Variants in RIGI observed in about 807,000 individuals in gnomAD.
RIGI encodes the protein RNA sensor RIG-I.
At chr9:32,500,179 T>C in the RIGI span, among the ~76,000 whole-genome samples, 5 of 152,212 alleles carry the variant, frequency 3.3e-5, no homozygotes, top group African/African-American at 1.2e-4. Flanking sequence ...ACTAAATTTG[T>C]CTTCTTTAGG....
chr9:32,505,057 A>G, the RIGI span, among the ~76,000 whole-genome samples: 3 of 143,464 alleles, frequency 2.1e-5, no homozygotes, highest in African/African-American at 7.6e-5. Context: ...ATATAATTTT[A>G]TACATTATAT....
At chr9:32,517,138 T>C in the RIGI span, among the ~76,000 whole-genome samples, 2 of 152,236 alleles carry the variant, frequency 1.3e-5, no homozygotes, top group Non-Finnish European at 2.9e-5. Flanking sequence ...GTGAGTAGTT[T>C]CCACATGACG....
At chr9:32,488,698 T>C in the RIGI span, 2 of 1,492,620 alleles carry the variant, frequency 1.3e-6, no homozygotes, top group South Asian at 1.5e-5. Flanking sequence ...TACATGAAGC[T>C]GGAGAAAAAG....
chr9:32,473,318 T>G, the RIGI span, among the ~76,000 whole-genome samples: 1 of 148,314 alleles, frequency 6.7e-6, no homozygotes, highest in Admixed American at 6.9e-5. Context: ...GATGGAGTCT[T>G]GGTCTACCGC....
the RIGI span, chr9:32,488,101 C>A: frequency 1.2e-6 from 2 of 1,614,080 alleles, no homozygotes; most frequent in South Asian, 1.1e-5. Context: ...TAAGGTTGTT[C>A]ACAAGAATCT....
At chr9:32,525,132 C>G in the RIGI span, among the ~76,000 whole-genome samples, 5 of 152,214 alleles carry the variant, frequency 3.3e-5, no homozygotes, top group East Asian at 9.6e-4. Flanking sequence ...AAGCACCTCC[C>G]CTTCTCGCTA....
chr9:32,500,653 A>C, the RIGI span: 2 of 851,482 alleles, frequency 2.3e-6, no homozygotes, highest in Admixed American at 2.9e-5. Context: ...AGACAATTAT[A>C]TCATCTGCCT....
chr9:32,456,658 G>A, the RIGI span: 25,180 of 157,714 alleles, frequency 0.16, 2,473 homozygotes, highest in South Asian at 0.31. Context: ...AATGCGCAGA[G>A]GTCAAATAGA....
At chr9:32,466,950 C>A in the RIGI span, among the ~76,000 whole-genome samples, 1 of 152,140 alleles carries the variant, frequency 6.6e-6, no homozygotes, top group African/African-American at 2.4e-5. Context: ...GAAATAAGAT[C>A]TCTTCATAAC....
chr9:32,475,568 G>A, the RIGI span, among the ~76,000 whole-genome samples: 5 of 151,870 alleles, frequency 3.3e-5, no homozygotes, highest in African/African-American at 4.8e-5. Flanking sequence ...GGATAGTCTT[G>A]TCAACATAGA....
the RIGI span, chr9:32,455,874 A>G: frequency 6.6e-6 from 1 of 152,198 alleles, no homozygotes; most frequent in Non-Finnish European, 1.5e-5. Flanking sequence ...AGAAAAGCCA[A>G]AGAGAAGTTA....
chr9:32,455,407 T>C, the RIGI span, among the ~76,000 whole-genome samples: 1 of 152,068 alleles, frequency 6.6e-6, no homozygotes, highest in Non-Finnish European at 1.5e-5. Context: ...AAGTCTTACA[T>C]GGCAGCAGAT....
chr9:32,509,405 C>G, the RIGI span, among the ~76,000 whole-genome samples: 3 of 152,218 alleles, frequency 2.0e-5, no homozygotes, highest in Non-Finnish European at 4.4e-5. Flanking sequence ...AAGGAAGGAA[C>G]AGGCAGCAAT....
chr9:32,520,233 C>T, the RIGI span, among the ~76,000 whole-genome samples: 3 of 151,876 alleles, frequency 2.0e-5, no homozygotes, highest in Admixed American at 2.0e-4. Context: ...CACTAGAATG[C>T]TAGCAGATAA....
the RIGI span, among the ~76,000 whole-genome samples, chr9:32,460,021 C>T: frequency 2.6e-5 from 4 of 152,114 alleles, no homozygotes; most frequent in African/African-American, 9.7e-5. Flanking sequence ...ATGGGAGGGA[C>T]CCAGGGGGAG....
the RIGI span, among the ~76,000 whole-genome samples, chr9:32,518,129 G>T: frequency 6.6e-6 from 1 of 152,052 alleles, no homozygotes; most frequent in African/African-American, 2.4e-5. Context: ...TATATAAAAT[G>T]TGCAAAAGAC....
the RIGI span, among the ~76,000 whole-genome samples, chr9:32,522,423 C>A: frequency 5.3e-5 from 8 of 152,148 alleles, no homozygotes; most frequent in Non-Finnish European, 8.8e-5. Flanking sequence ...AATCTGTTTT[C>A]TTTTATAAGG....
At chr9:32,495,071 T>C in the RIGI span, among the ~76,000 whole-genome samples, 1 of 152,228 alleles carries the variant, frequency 6.6e-6, no homozygotes, top group African/African-American at 2.4e-5. Context: ...TATGGTGATA[T>C]ATATTTTCAA....
At chr9:32,516,130 T>C in the RIGI span, among the ~76,000 whole-genome samples, 1 of 152,176 alleles carries the variant, frequency 6.6e-6, no homozygotes, top group Admixed American at 6.5e-5. Context: ...TCTCAAAAAG[T>C]ATCAAACTGA....
Sources: gnomAD v4.1 joint callset for allele counts (sites outside exome capture counted in the v4.1 genomes callset) on GRCh38, gnomAD v4.1.1 for gene constraint, MANE v1.5 for transcripts, NCBI Gene and HGNC (gene_info 2026-07-23, HGNC 2026-07-21) for gene names.